The following GAB2 variants were observed in gnomAD, a reference collection of about 807,000 sequenced individuals.
The protein encoded by GAB2 is GRB2-associated-binding protein 2.
In GAB2, 26 loss-of-function variants were observed where a neutral mutation model predicts 65.5. The ratio of observed to expected loss-of-function variants is 0.40; its 90% CI spans 0.29 to 0.55. The LOEUF (loss-of-function observed/expected upper bound fraction) is 0.55. GAB2 is among the 20% of genes least tolerant of loss of function. The probability of loss-of-function intolerance (pLI) is 0.53; values close to 1 mark genes in which losing one functional copy is unlikely to be tolerated. For synonymous variants in GAB2, 321 were observed against 329.6 expected (o/e 0.97, Z 0.28); for missense variants, 884 against 875.8 (o/e 1.01, Z -0.12).
intron 1 of GAB2, among the ~76,000 whole-genome samples, chr11:78,298,776 T>A (rs931501270): frequency 3.9e-5 from 6 of 152,180 alleles, no homozygotes; most frequent in African/African-American, 1.4e-4. Flanking sequence ...AGGGCAAAGC[T>A]GGGGGAAGAG....
At chr11:78,328,816 C>T (rs1173561558) in intron 1 of GAB2, among the ~76,000 whole-genome samples, 1 of 152,032 alleles carries the variant, frequency 6.6e-6, no homozygotes, top group Non-Finnish European at 1.5e-5. Context: ...AATGGGGAAA[C>T]TTTCTGGAAC....
intron 1 of GAB2, among the ~76,000 whole-genome samples, chr11:78,399,130 G>C (rs138787660): frequency 6.6e-6 from 1 of 152,148 alleles, no homozygotes; most frequent in Non-Finnish European, 1.5e-5. Flanking sequence ...ATGGGTTAGA[G>C]GGGTAATTAG....
chr11:78,230,187 T>G (rs1864800366), intron 3 of GAB2, among the ~76,000 whole-genome samples: 1 of 152,242 alleles, frequency 6.6e-6, no homozygotes, highest in Non-Finnish European at 1.5e-5. Flanking sequence ...TGCTATCCCT[T>G]TTCCTGGGCT....
chr11:78,417,635 C>A lies in GAB2; in HGVS notation c.75+11G>T. On this transcript the variant is annotated intron_variant, in intron 1 of 9. Coordinates refer to ENST00000361507, the MANE Select transcript of GAB2 (RefSeq NM_080491.3). ...CCCCGCCCGCCCCTGGGCGGCCGCGCCCGCACTCACATAGCGCCTCAACTT... is the reference window on the plus strand; with the variant it reads ...CCCCGCCCGCCCCTGGGCGGCCGCGACCGCACTCACATAGCGCCTCAACTT... 7.4e-7 allele frequency: 1 copy of A among 1,353,766 alleles called. No individual in the cohort carries two copies. The highest frequency in any genetic ancestry group is 9.7e-7 in the Non-Finnish European group (1 of 1,027,792). 83.9% of individuals were successfully genotyped at this position (1,353,766 alleles called of 1,614,324 possible). A position where few individuals can be genotyped will look rare whatever the true frequency, so the allele number is the denominator to read the frequency against.
chr11:78,338,349 G>T (rs928461276), intron 1 of GAB2, among the ~76,000 whole-genome samples: 1 of 152,110 alleles, frequency 6.6e-6, no homozygotes, highest in African/African-American at 2.4e-5. Context: ...GGAGGTTCCT[G>T]GGAAAGCTTT....
At chr11:78,241,109 C>T (rs921227315) in intron 3 of GAB2, among the ~76,000 whole-genome samples, 3 of 152,306 alleles carry the variant, frequency 2.0e-5, no homozygotes, top group African/African-American at 7.2e-5. Context: ...AAGCCCTTTA[C>T]GCTAAGGATA....
At chr11:78,316,658 A>T (rs921158455) in intron 1 of GAB2, among the ~76,000 whole-genome samples, 3 of 152,186 alleles carry the variant, frequency 2.0e-5, no homozygotes, top group Non-Finnish European at 4.4e-5. Context: ...GAATATGGAG[A>T]AACTGGAACC....
intron 2 of GAB2, among the ~76,000 whole-genome samples, chr11:78,255,716 T>C (rs903378935): frequency 6.6e-6 from 1 of 152,212 alleles, no homozygotes; most frequent in Non-Finnish European, 1.5e-5. Flanking sequence ...TGGCTTGCCA[T>C]TGGTAAGTGG....
chr11:78,325,663 T>C (rs1339114169), intron 1 of GAB2, among the ~76,000 whole-genome samples: 1 of 152,206 alleles, frequency 6.6e-6, no homozygotes, highest in Non-Finnish European at 1.5e-5. Context: ...TGTGCCTTCT[T>C]CCTGACCACA....
At chr11:78,226,367 G>A in intron 4 of GAB2, 98 bp downstream of exon 4, 1 of 964,814 alleles carries the variant, frequency 1.0e-6, no homozygotes, top group Admixed American at 1.8e-5. Flanking sequence ...TGGTTCGTAA[G>A]TTCCCCTCGG....
intron 2 of GAB2, among the ~76,000 whole-genome samples, chr11:78,259,221 A>G (rs1371034103): frequency 6.6e-6 from 1 of 152,204 alleles, no homozygotes; most frequent in Non-Finnish European, 1.5e-5. Context: ...GAGAACACCT[A>G]CTCAACAGGG....
chr11:78,340,587 C>T (rs1856074571), intron 1 of GAB2, among the ~76,000 whole-genome samples: 2 of 150,074 alleles, frequency 1.3e-5, no homozygotes. Context: ...ATCTGGGAAC[C>T]CTGGAAAAGC....
chr11:78,371,081 G>A (rs1187571254), intron 1 of GAB2, among the ~76,000 whole-genome samples: 1 of 152,184 alleles, frequency 6.6e-6, no homozygotes, highest in African/African-American at 2.4e-5. Context: ...AGAAAACGTG[G>A]CAAAAGCAGC....
At chr11:78,227,150 A>C (rs576638886) in intron 3 of GAB2, 99 bp from the exon 4 acceptor site, 15 of 763,452 alleles carry the variant, frequency 2.0e-5, no homozygotes, top group Admixed American at 4.3e-5. Context: ...TGGTTTAGGC[A>C]TCTGTAAAAT....
intron 1 of GAB2, among the ~76,000 whole-genome samples, chr11:78,386,046 T>C (rs1220244639): frequency 2.6e-5 from 4 of 152,222 alleles, no homozygotes; most frequent in Admixed American, 1.3e-4. Flanking sequence ...CTGAGATATA[T>C]GATGGTCAAG....
chr11:78,293,964 C>T (rs776121160), intron 1 of GAB2, among the ~76,000 whole-genome samples: 18 of 152,052 alleles, frequency 1.2e-4, no homozygotes, highest in African/African-American at 2.2e-4. Flanking sequence ...ATGTGCACAA[C>T]GTGCAGGTTA....
chr11:78,401,735 AC>A (rs1333787143), intron 1 of GAB2, among the ~76,000 whole-genome samples: 1 of 152,128 alleles, frequency 6.6e-6, no homozygotes, highest in Non-Finnish European at 1.5e-5. Flanking sequence ...CACACATATC[AC>A]ATTTTGTTTA....
At chr11:78,399,345 G>C (rs1856941265) in intron 1 of GAB2, among the ~76,000 whole-genome samples, 1 of 152,202 alleles carries the variant, frequency 6.6e-6, no homozygotes, top group Admixed American at 6.5e-5. Flanking sequence ...GCTCCCTTTG[G>C]AGGATCCTGC....
rs191225916 is a variant in GAB2, at chr11:78,250,409, G to A, written c.377-9C>T. 6.8e-6 allele frequency: 11 copies of A among 1,611,298 alleles called. No individual in the cohort carries two copies. In the East Asian group the frequency reaches 1.3e-4, roughly 20 times the overall value. ...AACATTTCTCAGGGAGTCTGAAAAG[G>A]AGAAATAGCTCTGTGAATGAAAAAG... On this transcript the variant is annotated splice_polypyrimidine_tract_variant and intron_variant, in intron 2 of 9. Transcript: ENST00000361507.
Sources: allele counts gnomAD v4.1 joint callset (sites outside exome capture counted in the v4.1 genomes callset), GRCh38; gene constraint gnomAD v4.1.1; transcripts MANE v1.5; gene names NCBI Gene and HGNC (gene_info 2026-07-23, HGNC 2026-07-21).